PRPF6: variants seen among roughly 807,000 people sequenced by gnomAD.
PRPF6 encodes pre-mRNA-processing factor 6.
Under a neutral mutation model 118.3 loss-of-function variants are expected in PRPF6, and 42 were observed. The observed-to-expected ratio is 0.35, with a 90% CI of 0.28 to 0.46. The LOEUF is 0.46. Among genes scored for constraint, PRPF6 ranks in the 20% least tolerant of loss-of-function variants. The pLI is 1.00. For synonymous variants in PRPF6, 481 were observed against 485.1 expected (o/e 0.99, Z 0.11); for missense variants, 662 against 1,255.7 (o/e 0.53, Z 7.15).
At chr20:64,019,075 AAT>A (rs1191477505) in intron 12 of PRPF6, among the ~76,000 whole-genome samples, 1 of 150,348 alleles carries the variant, frequency 6.7e-6, no homozygotes, top group Non-Finnish European at 1.5e-5. Context: ...GGGCAGCGGT[AAT>A]AGTTTTTGTT....
In PRPF6 at chr20:63,995,085, G is replaced by A. The variant is rs373553485; in HGVS notation, c.608G>A (p.Arg203Gln). ...GAGAACCATACCTCAGTGGATCCCCGACAAACTGTGAGCTTCCAAAAAAGG... is the reference window on the plus strand; with the variant it reads ...GAGAACCATACCTCAGTGGATCCCCAACAAACTGTGAGCTTCCAAAAAAGG... ...TGENHTSVDP[R>Q]QTQFGGLNTP... Residue 203 changes from arginine to glutamine, a missense_variant, in exon 5 of 21, where the codon CGA becomes CAA. By Grantham distance (43) the Arg-to-Gln change is conservative. Around this residue, in one of 10 missense-constraint regions of PRPF6, gnomAD observed 97 missense variants for 122.6 expected, o/e 0.79. Coordinates refer to ENST00000266079, the MANE Select transcript of PRPF6 (RefSeq NM_012469.4). 9.3e-6 allele frequency: 15 copies of A among 1,613,978 alleles called. No individual in the cohort carries two copies. The highest frequency in any genetic ancestry group is 2.2e-5 in the East Asian group (1 of 44,894).
At chr20:63,993,286 AT>A in intron 3 of PRPF6, 120 bp from the exon 4 acceptor site, 1 of 509,336 alleles carries the variant, frequency 2.0e-6, no homozygotes, top group Non-Finnish European at 3.7e-6. Context: ...ATATATATAT[AT>A]TTGATTTAGC....
chr20:64,016,766 A>G lies in PRPF6; in HGVS notation c.1568A>G (p.Gln523Arg), dbSNP rs1425229354. 1 of 1,614,118 alleles carries G rather than the reference A, an allele frequency of 6.2e-7. No homozygotes were observed. Among genetic ancestry groups the G allele is most frequent in the East Asian group, 2.2e-5 (1 of 44,872 alleles). The stretch of plus-strand genomic sequence containing the variant: ...AGGGCTGGGAGTGTGGCCACCTGCC[A>G]GGCCGTCATGCGTGCCGTGATTGGG... ...CDRAGSVATC[Q>R]AVMRAVIGIG... The change falls in exon 12 of 21, where the codon CAG becomes CGG. Residue 523 changes from glutamine to arginine, a missense_variant. Gln to Arg is a conservative substitution (Grantham distance 43). Transcript: ENST00000266079.
chr20:64,000,729 C>T (rs908864108), intron 8 of PRPF6, among the ~76,000 whole-genome samples: 5 of 151,992 alleles, frequency 3.3e-5, no homozygotes, highest in Admixed American at 1.3e-4. Flanking sequence ...CCACCACACC[C>T]GGCTAATTTT....
chr20:64,001,499 TG>T (rs2059166419), intron 9 of PRPF6, among the ~76,000 whole-genome samples: 8 of 152,160 alleles, frequency 5.3e-5, no homozygotes, highest in Admixed American at 5.2e-4. Flanking sequence ...CTTGGATGCT[TG>T]GGCGGTCACT....
rs2059306748 is a variant in PRPF6 at position 64,029,739 on chromosome 20, G to T, written c.2546+248G>T. On this transcript the variant is annotated intron_variant, in intron 19 of 20. Coordinates refer to ENST00000266079, the MANE Select transcript of PRPF6 (RefSeq NM_012469.4). The surrounding 1 kb of genome is among the most constrained non-coding windows in gnomAD (Gnocchi z 4.8). ...TTCACACTGGTGCGCTGGCCGCCGG[G>T]TCACAGACTCACTGGGGACGCGTGT... 8.8e-6 allele frequency among the ~76,000 whole-genome samples: 1 copy of T among 113,002 alleles called. No homozygotes were observed. Among genetic ancestry groups the T allele is most frequent in the African/African-American group, 2.7e-5 (1 of 37,286 alleles). The allele number at this position is 113,002 out of a possible 152,430, so 74.1% of individuals were successfully genotyped here.
At chr20:64,001,351 T>G in intron 9 of PRPF6, 112 bp downstream of exon 9, 2 of 1,312,330 alleles carry the variant, frequency 1.5e-6, no homozygotes, top group Non-Finnish European at 2.2e-6. Flanking sequence ...ACCAGGGACA[T>G]TTTTCAGGCC....
At position 64,029,813 on chromosome 20, in the gene PRPF6, C is replaced by G. The variant is rs910813572; in HGVS notation, c.2546+322C>G. On this transcript the variant is annotated intron_variant, in intron 19 of 20. Transcript: ENST00000266079. The surrounding 1 kb of genome is among the most constrained non-coding windows in gnomAD (Gnocchi z 4.8). ...CCAGGTCAGAGACTCACCGGGGACG[C>G]ATGTGATTCACACTGGTGCTCTGGT... 2.8e-5 allele frequency among the ~76,000 whole-genome samples: 4 copies of G among 145,446 alleles called. No individual in the cohort carries two copies. Among genetic ancestry groups the G allele is most frequent in the African/African-American group, 9.9e-5 (4 of 40,222 alleles).
In PRPF6 at chr20:64,001,999, TG is replaced by T. The variant is rs1345378964; in HGVS notation, c.1186+761del. Among the ~76,000 whole-genome samples, 26 of 146,588 alleles carry T rather than the reference TG, an allele frequency of 1.8e-4. No individual in the cohort carries two copies. The Middle Eastern group carries it at 0.011, about 60-fold the overall frequency. On this transcript the variant is annotated intron_variant, in intron 9 of 20. Coordinates refer to ENST00000266079, the MANE Select transcript of PRPF6 (RefSeq NM_012469.4). Reference sequence around the variant, plus strand: ...AGGTGGCTTCTTTTTTTTCATTTTTTGTTTTTTTTTTCTGGTTTTTTTTTTT... The same window carrying T: ...AGGTGGCTTCTTTTTTTTCATTTTTTTTTTTTTTTTCTGGTTTTTTTTTTT...
At chr20:64,032,348 C>T (rs1401635847) in intron 20 of PRPF6, among the ~76,000 whole-genome samples, 2 of 152,218 alleles carry the variant, frequency 1.3e-5, no homozygotes, top group Non-Finnish European at 2.9e-5. Context: ...AGCCTGGGCT[C>T]ACTTTAGGAA....
At chr20:64,022,969 A>G in intron 13 of PRPF6, 91 bp downstream of exon 13, 1 of 1,593,770 alleles carries the variant, frequency 6.3e-7, no homozygotes, top group East Asian at 2.3e-5. Context: ...ATGTCTGCTC[A>G]TCCAGTCTTG....
chr20:63,989,236 A>G (rs1230601095), intron 3 of PRPF6, among the ~76,000 whole-genome samples: 1 of 152,206 alleles, frequency 6.6e-6, no homozygotes, highest in East Asian at 1.9e-4. Context: ...TACAAAAATC[A>G]AATTAAAAGA....
chr20:64,010,128 C>T lies in PRPF6; in HGVS notation c.1187-72C>T, dbSNP rs185231251. The T allele has an allele frequency of 3.8e-5, 48 of 1,278,124 alleles. No individual in the cohort carries two copies. In the Admixed American group the frequency reaches 7.9e-4, roughly 21 times the overall value. 79.2% of individuals were successfully genotyped at this position (1,278,124 alleles called of 1,614,324 possible). A position where few individuals can be genotyped will look rare whatever the true frequency, so the allele number is the denominator to read the frequency against. Reference sequence around the variant, plus strand: ...AAGTCCGTCTCATCCTGACCAGCAGCATGCTCACCACATGAGCCTCCTGTT... The same window carrying T: ...AAGTCCGTCTCATCCTGACCAGCAGTATGCTCACCACATGAGCCTCCTGTT... On this transcript the variant is annotated intron_variant, in intron 9 of 20. Coordinates refer to ENST00000266079, the MANE Select transcript of PRPF6 (RefSeq NM_012469.4).
chr20:63,994,218 C>T (rs372639272), intron 4 of PRPF6, among the ~76,000 whole-genome samples: 22 of 148,252 alleles, frequency 1.5e-4, no homozygotes, highest in African/African-American at 5.2e-4. Context: ...AGTGCAATGA[C>T]GCGATCTCAG....
At chr20:63,990,092 G>A (rs2059111989) in intron 3 of PRPF6, among the ~76,000 whole-genome samples, 1 of 151,830 alleles carries the variant, frequency 6.6e-6, no homozygotes, top group Non-Finnish European at 1.5e-5. Flanking sequence ...GACCCCAAGT[G>A]ATCCACCCGC....
chr20:63,994,748 C>T (rs180944157), intron 4 of PRPF6, among the ~76,000 whole-genome samples, 168 bp from the exon 5 acceptor site: 7 of 152,262 alleles, frequency 4.6e-5, no homozygotes, highest in African/African-American at 1.7e-4. Context: ...CCAGCCTGGG[C>T]AACAGAATGA....
At position 64,032,936 on chromosome 20, in the gene PRPF6, G is replaced by A. The variant is rs2059322061; in HGVS notation, c.2769G>A (p.Gln923=). The A allele has an allele frequency of 6.2e-7, 1 of 1,613,500 alleles. No individual in the cohort carries two copies. The part of the protein sequence containing the change: ...CAVSKDIANW[Q]KKIGDILRLV... ...TGTCCAAGGACATCGCCAACTGGCA[G>A]AAGAAGATCGGGGACATCCTTAGGC... The change falls in exon 21 of 21, where the codon CAG becomes CAA. Residue 923 remains glutamine, a synonymous_variant. Transcript: ENST00000266079.
chr20:63,988,829 A>T (rs1486472400), intron 3 of PRPF6, among the ~76,000 whole-genome samples: 2 of 151,970 alleles, frequency 1.3e-5, no homozygotes, highest in Non-Finnish European at 2.9e-5. Context: ...AGATCGTGCC[A>T]TTGCACTCCG....
intron 9 of PRPF6, among the ~76,000 whole-genome samples, chr20:64,003,727 C>T (rs1262104585): frequency 6.6e-6 from 1 of 152,224 alleles, no homozygotes; most frequent in Non-Finnish European, 1.5e-5. Flanking sequence ...CCCCAAGTAG[C>T]TGGGACTACA....
Sources: allele counts gnomAD v4.1 joint callset (sites outside exome capture counted in the v4.1 genomes callset), GRCh38; gene constraint gnomAD v4.1.1; regional missense constraint gnomAD v4.1.1; non-coding constraint Gnocchi (gnomAD v3.1); transcripts MANE v1.5; gene names NCBI Gene and HGNC (gene_info 2026-07-23, HGNC 2026-07-21).